Variants in RCAN2 observed in about 807,000 individuals in gnomAD.
RCAN2 encodes the protein calcipressin-2.
In RCAN2, 9 loss-of-function variants were observed where a neutral mutation model predicts 23.6. The ratio of observed to expected loss-of-function variants is 0.38; its 90% CI spans 0.23 to 0.67. The LOEUF is 0.67. Ranked by LOEUF, RCAN2 falls within the 30% of genes least tolerant of loss-of-function variation. RCAN2 has a pLI of 0.51. For synonymous variants in RCAN2, 109 were observed against 115.7 expected, an observed-to-expected ratio of 0.94 and a Z score of 0.37; for missense variants, 273 against 302.3, an observed-to-expected ratio of 0.90 and a Z score of 0.72.
chr6:46,298,054 C>A (rs1171026705), intron 2 of RCAN2, among the ~76,000 whole-genome samples: 1 of 152,042 alleles, frequency 6.6e-6, no homozygotes, highest in African/African-American at 2.4e-5. Context: ...CCAACATGCA[C>A]CAGAAGGGAG....
intron 1 of RCAN2, among the ~76,000 whole-genome samples, chr6:46,473,963 T>A (rs1009098386): frequency 1.3e-5 from 2 of 152,222 alleles, no homozygotes; most frequent in African/African-American, 4.8e-5. Context: ...TCCTGATTCC[T>A]CTTAGATGAT....
chr6:46,225,156 C>T (rs1029135278), intron 4 of RCAN2, among the ~76,000 whole-genome samples: 4 of 152,146 alleles, frequency 2.6e-5, no homozygotes, highest in African/African-American at 9.7e-5. Context: ...TGCATATGTG[C>T]CACCTTTTCT....
chr6:46,281,701 A>T (rs1025210428), intron 2 of RCAN2, among the ~76,000 whole-genome samples: 1 of 152,150 alleles, frequency 6.6e-6, no homozygotes, highest in African/African-American at 2.4e-5. Flanking sequence ...TTTATTAGTG[A>T]TTCCAATTTA....
Position 46,248,752 on chromosome 6 carries a change from CT to C in RCAN2, c.369del (p.Lys126AsnfsTer2). On this transcript the variant is annotated frameshift_variant, in exon 3 of 5. Transcript: ENST00000371374. LOFTEE classifies it high-confidence loss of function. ...ARIELHETQF[R>X]GKKLKLYFAQ... ...GCAAAGTAGAGCTTTAATTTTTTCC[CT>C]CTGAATTGGGTTTCATGAAGCTCTA... 6.2e-7 allele frequency: 1 copy of C among 1,610,316 alleles called. No individual in the cohort carries two copies. Among genetic ancestry groups the C allele is most frequent in the Non-Finnish European group, 8.5e-7 (1 of 1,178,782 alleles).
intron 2 of RCAN2, among the ~76,000 whole-genome samples, chr6:46,449,853 A>G (rs60534853): frequency 6.6e-6 from 1 of 152,130 alleles, no homozygotes; most frequent in African/African-American, 2.4e-5. Context: ...CATAAGACTT[A>G]AAACTAAAAC....
At chr6:46,260,017 T>C (rs535406193) in intron 2 of RCAN2, among the ~76,000 whole-genome samples, 46 of 152,310 alleles carry the variant, frequency 3.0e-4, no homozygotes, top group African/African-American at 1.1e-3. Flanking sequence ...CTGAATGCTG[T>C]CCTTTGGGTT....
intron 2 of RCAN2, among the ~76,000 whole-genome samples, chr6:46,290,538 A>G (rs1182247565): frequency 6.6e-6 from 1 of 152,206 alleles, no homozygotes; most frequent in Non-Finnish European, 1.5e-5. Flanking sequence ...CAAAATAGTC[A>G]TAGTCACCCT....
At chr6:46,429,732 T>C (rs1767133563) in intron 2 of RCAN2, among the ~76,000 whole-genome samples, 1 of 152,156 alleles carries the variant, frequency 6.6e-6, no homozygotes, top group Admixed American at 6.5e-5. Flanking sequence ...GTGAAGATGT[T>C]AGTTAACAAT....
intron 2 of RCAN2, among the ~76,000 whole-genome samples, chr6:46,418,954 G>A (rs994854664): frequency 8.6e-5 from 13 of 151,476 alleles, no homozygotes; most frequent in Admixed American, 7.2e-4. Context: ...TGGGCGTGGC[G>A]GCACACACCT....
intron 2 of RCAN2, among the ~76,000 whole-genome samples, chr6:46,454,740 C>T (rs1160746078): frequency 6.6e-6 from 1 of 152,136 alleles, no homozygotes; most frequent in East Asian, 1.9e-4. Context: ...ATACTATTTC[C>T]CAAACTGCTA....
At chr6:46,425,896 C>CTT (rs1049166361) in intron 2 of RCAN2, among the ~76,000 whole-genome samples, 66 of 126,662 alleles carry the variant, frequency 5.2e-4, no homozygotes, top group South Asian at 2.2e-3. Context: ...TTCTTTCTTT[C>CTT]TTTTTTTTTT....
At chr6:46,375,222 G>T (rs1295344658) in intron 2 of RCAN2, among the ~76,000 whole-genome samples, 2 of 152,192 alleles carry the variant, frequency 1.3e-5, no homozygotes, top group African/African-American at 2.4e-5. Flanking sequence ...TGGGATTACA[G>T]GTGTGAACCA....
chr6:46,291,815 GA>G, intron 2 of RCAN2, among the ~76,000 whole-genome samples: 1 of 152,208 alleles, frequency 6.6e-6, no homozygotes, highest in African/African-American at 2.4e-5. Context: ...GCATACCTAA[GA>G]AGGAACCCAT....
intron 2 of RCAN2, among the ~76,000 whole-genome samples, chr6:46,356,001 A>C (rs1764818936): frequency 6.6e-6 from 1 of 152,178 alleles, no homozygotes; most frequent in African/African-American, 2.4e-5. Flanking sequence ...CTTGCTCAGC[A>C]AGGGGGAGGA....
chr6:46,422,388 C>T (rs1766908820), intron 2 of RCAN2, among the ~76,000 whole-genome samples: 1 of 152,122 alleles, frequency 6.6e-6, no homozygotes, highest in South Asian at 2.1e-4. Context: ...ACAAATAAAC[C>T]TCTTTTCTTT....
intron 2 of RCAN2, among the ~76,000 whole-genome samples, chr6:46,283,230 T>A (rs965297479): frequency 1.3e-5 from 2 of 152,080 alleles, no homozygotes; most frequent in Admixed American, 6.6e-5. Flanking sequence ...AGGAGGATCA[T>A]TTGAGCCCAG....
intron 1 of RCAN2, among the ~76,000 whole-genome samples, chr6:46,457,717 G>A (rs1181079157): frequency 6.6e-6 from 1 of 152,042 alleles, no homozygotes; most frequent in Non-Finnish European, 1.5e-5. Flanking sequence ...ATTACTTCAA[G>A]TCATTTGTGA....
intron 2 of RCAN2, among the ~76,000 whole-genome samples, chr6:46,268,545 A>G (rs900661779): frequency 1.3e-5 from 2 of 152,164 alleles, no homozygotes; most frequent in African/African-American, 4.8e-5. Flanking sequence ...TGTGTGAGAA[A>G]ACATCTTTGA....
At chr6:46,266,245 G>A (rs1159369246) in intron 2 of RCAN2, among the ~76,000 whole-genome samples, 3 of 152,196 alleles carry the variant, frequency 2.0e-5, no homozygotes, top group African/African-American at 7.2e-5. Flanking sequence ...TTGTGCTACT[G>A]AGAATTACCA....
Sources: gnomAD v4.1 joint callset for allele counts (sites outside exome capture counted in the v4.1 genomes callset) on GRCh38, gnomAD v4.1.1 for gene constraint, MANE v1.5 for transcripts, NCBI Gene and HGNC (gene_info 2026-07-23, HGNC 2026-07-21) for gene names.